PIK3C3: variants seen among roughly 807,000 people sequenced by gnomAD.
The protein encoded by PIK3C3 is PI3-kinase type 3.
Under a neutral mutation model 126.1 loss-of-function variants are expected in PIK3C3, and 95 were observed. The ratio of observed to expected loss-of-function variants is 0.75; its 90% CI spans 0.64 to 0.89. The LOEUF (loss-of-function observed/expected upper bound fraction) is 0.89, where lower values mean the gene tolerates loss of function less well. Among genes scored for constraint, PIK3C3 ranks in the 40% least tolerant of loss-of-function variants. The pLI is 0.00. For missense variants in PIK3C3, 829 were observed against 1,063.2 expected (o/e 0.78, Z 3.06); for synonymous variants, 374 against 360.0 (o/e 1.04, Z -0.44).
chr18:42,001,667 G>GT (rs1238095464), intron 9 of PIK3C3, among the ~76,000 whole-genome samples: 2 of 152,054 alleles, frequency 1.3e-5, no homozygotes, highest in African/African-American at 4.8e-5. Context: ...AGTGCCTTAT[G>GT]TTTTTTGGCA....
intron 15 of PIK3C3, among the ~76,000 whole-genome samples, chr18:42,032,718 A>T (rs372652247): frequency 6.6e-6 from 1 of 151,708 alleles, no homozygotes; most frequent in African/African-American, 2.4e-5. Context: ...CTTTACTCTC[A>T]AATTAGTTGA....
At chr18:42,034,428 C>A (rs74582380) in intron 16 of PIK3C3, among the ~76,000 whole-genome samples, 1,535 of 152,252 alleles carry the variant, frequency 0.01, 15 homozygotes, top group Non-Finnish European at 0.016. Flanking sequence ...TTTTAGAGGG[C>A]AGATTGCAAA....
At chr18:42,018,907 A>G (rs1983196275) in intron 12 of PIK3C3, among the ~76,000 whole-genome samples, 1 of 152,136 alleles carries the variant, frequency 6.6e-6, no homozygotes, top group African/African-American at 2.4e-5. Flanking sequence ...CTATAAATTC[A>G]TGATCACAAA....
chr18:42,032,546 G>A (rs1015925481), intron 15 of PIK3C3, among the ~76,000 whole-genome samples: 1 of 152,050 alleles, frequency 6.6e-6, no homozygotes, highest in African/African-American at 2.4e-5. Context: ...TGGTGGCTGG[G>A]TTCTTAGGGC....
rs1019078754 is a variant in PIK3C3, at chr18:42,084,690, C to T, written c.*3553C>T. Reference sequence around the variant, plus strand: ...GAAGCTGAGGTGGGACCCCTGCATCCGATAAGTGGCTGCACTAGACCACAG... The same window carrying T: ...GAAGCTGAGGTGGGACCCCTGCATCTGATAAGTGGCTGCACTAGACCACAG... On this transcript the variant is annotated 3_prime_UTR_variant, in exon 25 of 25. Transcript: ENST00000262039. 9 of 151,936 alleles carry T rather than the reference C, an allele frequency of 5.9e-5. No individual in the cohort carries two copies. The highest frequency in any genetic ancestry group is 2.0e-4 in the Admixed American group (3 of 15,244). The allele number at this position is 151,936 out of a possible 1,614,324, so 9.4% of individuals were successfully genotyped here. A position where few individuals can be genotyped will look rare whatever the true frequency, so the allele number is the denominator to read the frequency against.
intron 7 of PIK3C3, among the ~76,000 whole-genome samples, chr18:41,994,385 A>G (rs1347868247): frequency 3.9e-5 from 6 of 152,302 alleles, no homozygotes; most frequent in Admixed American, 1.3e-4. Context: ...AAGTATGAAG[A>G]AATTCAGTTC....
intron 4 of PIK3C3, among the ~76,000 whole-genome samples, chr18:41,984,467 ATAAT>A (rs1981367435): frequency 6.6e-6 from 1 of 152,100 alleles, no homozygotes; most frequent in South Asian, 2.1e-4. Context: ...AAAATTTAAT[ATAAT>A]TAATAACTAA....
At chr18:42,055,068 C>A (rs1273948041) in intron 21 of PIK3C3, among the ~76,000 whole-genome samples, 1 of 151,924 alleles carries the variant, frequency 6.6e-6, no homozygotes, top group Non-Finnish European at 1.5e-5. Context: ...CATGTTGAAA[C>A]TTCATCCCCA....
Position 41,970,359 on chromosome 18 carries a change from T to G in PIK3C3, c.434T>G (p.Val145Gly). The G allele has an allele frequency of 6.2e-7, 1 of 1,613,532 alleles. No individual in the cohort carries two copies. The highest frequency in any genetic ancestry group is 8.5e-7 in the Non-Finnish European group (1 of 1,179,524). Residue 145 changes from valine (V) to glycine (G), a missense_variant, in exon 4 of 25, where the codon GTC (valine) becomes GGC (glycine). This residue lies in a region of PIK3C3 where 313 missense variants were observed against 340.7 expected (regional missense o/e 0.92). Coordinates refer to ENST00000262039, the MANE Select transcript of PIK3C3 (RefSeq NM_002647.4). ...MFRQGMHDLKVWPNVEADGSE... is the reference protein window; with the variant it reads ...MFRQGMHDLKGWPNVEADGSE... The stretch of plus-strand genomic sequence containing the variant: ...CGCCAAGGGATGCATGACTTGAAAG[T>G]CTGGCCTAATGTAGAAGCAGATGGA...
At chr18:41,997,373 A>G (rs181309805) in intron 9 of PIK3C3, among the ~76,000 whole-genome samples, 97 of 152,168 alleles carry the variant, frequency 6.4e-4, no homozygotes, top group Non-Finnish European at 1.9e-4. Context: ...CATGGAGTGG[A>G]TAAGGTTTCT....
intron 10 of PIK3C3, among the ~76,000 whole-genome samples, chr18:42,006,148 G>A (rs1982531475): frequency 6.6e-6 from 1 of 151,010 alleles, no homozygotes. Flanking sequence ...ACAAAACTCA[G>A]GAAAACATTA....
At chr18:42,013,619 T>C (rs752127613) in intron 11 of PIK3C3, 23 bp downstream of exon 11, 10 of 1,519,938 alleles carry the variant, frequency 6.6e-6, no homozygotes, top group Non-Finnish European at 8.9e-6. Context: ...AGGGAGGACA[T>C]ATTTTCTAGT....
chr18:41,991,258 T>C (rs946739584), intron 6 of PIK3C3, among the ~76,000 whole-genome samples: 1 of 152,176 alleles, frequency 6.6e-6, no homozygotes, highest in African/African-American at 2.4e-5. Context: ...GTGTGGTGGC[T>C]CATGCCTGTA....
intron 15 of PIK3C3, among the ~76,000 whole-genome samples, chr18:42,033,175 G>C (rs941142348): frequency 6.6e-6 from 1 of 152,124 alleles, no homozygotes; most frequent in South Asian, 2.1e-4. Flanking sequence ...AATAGAAGGG[G>C]TTCTTCTAAA....
At chr18:42,005,968 T>C (rs956591535) in intron 10 of PIK3C3, among the ~76,000 whole-genome samples, 1 of 151,066 alleles carries the variant, frequency 6.6e-6, no homozygotes, top group Non-Finnish European at 1.5e-5. Context: ...TCTGGCCTAC[T>C]GGCTTTAACA....
At chr18:41,960,120 A>T (rs571175615) in intron 2 of PIK3C3, among the ~76,000 whole-genome samples, 15 of 152,288 alleles carry the variant, frequency 9.8e-5, no homozygotes, top group East Asian at 3.9e-4. Flanking sequence ...TGACTTTCTG[A>T]TAGTGAGTTG....
intron 24 of PIK3C3, among the ~76,000 whole-genome samples, chr18:42,069,558 T>G (rs1985690923): frequency 6.6e-6 from 1 of 152,220 alleles, no homozygotes; most frequent in South Asian, 2.1e-4. Flanking sequence ...ACACCTTATT[T>G]TTTTCTTTTT....
At chr18:41,981,746 G>A (rs1303499232) in intron 4 of PIK3C3, among the ~76,000 whole-genome samples, 1 of 151,734 alleles carries the variant, frequency 6.6e-6, no homozygotes, top group Non-Finnish European at 1.5e-5. Context: ...GATCATTTGA[G>A]GTCAGGAGTT....
At chr18:42,015,592 C>T (rs201892725) in intron 12 of PIK3C3, 26 bp downstream of exon 12, 2 of 1,524,050 alleles carry the variant, frequency 1.3e-6, no homozygotes, top group Admixed American at 3.3e-5. Context: ...TTCCAGCTTC[C>T]TATAGGAGAG....
Sources: allele counts gnomAD v4.1 joint callset (sites outside exome capture counted in the v4.1 genomes callset), GRCh38; gene constraint gnomAD v4.1.1; regional missense constraint gnomAD v4.1.1; transcripts MANE v1.5; gene names NCBI Gene and HGNC (gene_info 2026-07-23, HGNC 2026-07-21).